The following BTG4 variants were observed in gnomAD, a reference collection of about 807,000 sequenced individuals.
The protein encoded by BTG4 is protein BTG4.
In BTG4, 10 loss-of-function variants were observed where a neutral mutation model predicts 19.3. The ratio of observed to expected loss-of-function variants is 0.52; its 90% confidence interval spans 0.32 to 0.88. The LOEUF (loss-of-function observed/expected upper bound fraction) is 0.88, where lower values mean the gene tolerates loss of function less well. Among genes scored for constraint, BTG4 ranks in the 40% least tolerant of loss-of-function variants. The pLI is 0.04. For synonymous variants in BTG4, 91 were observed against 95.7 expected, an observed-to-expected ratio of 0.95 and a Z score of 0.29; for missense variants, 238 against 281.9, an observed-to-expected ratio of 0.84 and a Z score of 1.11.
the BTG4 span, among the ~76,000 whole-genome samples, chr11:111,388,280 A>AGTTGGTTG: frequency 7.6e-4 from 110 of 145,650 alleles, no homozygotes; most frequent in South Asian, 2.7e-3. Context: ...GCCATGACTC[A>AGTTGGTTG]GTTGGTTGGT....
At chr11:111,449,860 C>A in the BTG4 span, 1 of 152,298 alleles carries the variant, frequency 6.6e-6, no homozygotes, top group Non-Finnish European at 1.5e-5. Context: ...CTGATGGCAT[C>A]CCACAGATTT....
upstream of BTG4, chr11:111,514,059 T>C (rs1867126826): frequency 6.5e-6 from 1 of 153,022 alleles, no homozygotes; most frequent in African/African-American, 2.4e-5. Flanking sequence ...GACTTGTTAA[T>C]ACTTTTATAA....
At chr11:111,500,139 C>T (rs1180682648) in intron 1 of BTG4, among the ~76,000 whole-genome samples, 1 of 149,304 alleles carries the variant, frequency 6.7e-6, no homozygotes, top group African/African-American at 2.5e-5. Flanking sequence ...AAGACTCCGT[C>T]TCAAAAAATA....
the BTG4 span, among the ~76,000 whole-genome samples, chr11:111,419,180 G>T: frequency 1.8e-4 from 28 of 152,340 alleles, no homozygotes; most frequent in Admixed American, 1.3e-3. Flanking sequence ...GGATTAGGAA[G>T]TCAACCTATA....
chr11:111,420,749 G>T, the BTG4 span, among the ~76,000 whole-genome samples: 1 of 152,316 alleles, frequency 6.6e-6, no homozygotes, highest in East Asian at 1.9e-4. Flanking sequence ...TTTTTATTGA[G>T]CACCTAATTT....
At chr11:111,452,310 C>G in the BTG4 span, 1 of 152,300 alleles carries the variant, frequency 6.6e-6, no homozygotes, top group Non-Finnish European at 1.5e-5. Context: ...AGTCATCCAA[C>G]TATTTGGTCG....
the BTG4 span, among the ~76,000 whole-genome samples, chr11:111,415,191 G>T: frequency 5.3e-5 from 8 of 152,206 alleles, no homozygotes; most frequent in East Asian, 1.5e-3. Context: ...GTCCTGCTCT[G>T]CAAAGCCCTG....
At chr11:111,469,810 A>G (rs1003687559) in intron 5 of BTG4, 5 of 152,682 alleles carry the variant, frequency 3.3e-5, no homozygotes, top group Admixed American at 6.5e-5. Flanking sequence ...ATTTCAGGGA[A>G]GCATTCCCTA....
rs556428058 is a variant in BTG4, at chr11:111,474,307, CACCAGTTCTTTAGAAG to C, written c.663-6642_663-6627del. Among the ~76,000 whole-genome samples the C allele has an allele frequency of 7.7e-4, 118 of 152,260 alleles. 1 individual carries two copies. Among genetic ancestry groups the C allele is most frequent in the Middle Eastern group, 3.4e-3 (1 of 294 alleles). ...AGCCCCAGATCAAGAAATAGAACAT[CACCAGTTCTTTAGAAG>C]CAGCTTATGCCTCCTTCTAGTCACA... is the stretch of plus-strand genomic sequence containing the variant. On this transcript the variant is annotated intron_variant, in intron 5 of 5. Coordinates refer to the BTG4 transcript ENST00000356018.
At chr11:111,501,519 AATAG>A (rs200725972) in intron 1 of BTG4, among the ~76,000 whole-genome samples, 3,049 of 152,324 alleles carry the variant, frequency 0.02, 96 homozygotes, top group African/African-American at 0.068. Context: ...AGGATACAAA[AATAG>A]ATAGAAGAAA....
rs150341497 is a variant in BTG4, at chr11:111,474,265, A to G, written c.663-6584T>C. 2.5e-3 allele frequency among the ~76,000 whole-genome samples: 377 copies of G among 152,288 alleles called. 1 individual carries two copies. The highest frequency in any genetic ancestry group is 8.4e-3 in the African/African-American group (350 of 41,578). On this transcript the variant is annotated intron_variant, in intron 5 of 5. Coordinates refer to the BTG4 transcript ENST00000356018. Reference sequence around the variant, plus strand: ...ATACCTCAACGAGTTGTCCAATGTGAATACTCCCATATAACCAGCCCCAGA... The same window carrying G: ...ATACCTCAACGAGTTGTCCAATGTGGATACTCCCATATAACCAGCCCCAGA...
chr11:111,441,544 G>A, the BTG4 span, among the ~76,000 whole-genome samples: 2 of 152,138 alleles, frequency 1.3e-5, no homozygotes, highest in African/African-American at 4.8e-5. Context: ...GATGCCTTAC[G>A]GATTGACTTC....
chr11:111,392,575 C>T, the BTG4 span, among the ~76,000 whole-genome samples: 1 of 152,148 alleles, frequency 6.6e-6, no homozygotes, highest in Non-Finnish European at 1.5e-5. Context: ...GCATTTCTAA[C>T]AAATTCCGAG....
the BTG4 span, among the ~76,000 whole-genome samples, chr11:111,388,335 GTTTT>G: frequency 7.1e-6 from 1 of 141,392 alleles, no homozygotes. Context: ...GGAGGTGTGT[GTTTT>G]TTTTTTTTTA....
the BTG4 span, chr11:111,460,079 A>T: frequency 6.6e-6 from 1 of 152,332 alleles, no homozygotes; most frequent in Non-Finnish European, 1.5e-5. Flanking sequence ...GAGCCCTATA[A>T]TCCAGCTTAG....
chr11:111,415,188 T>G, the BTG4 span, among the ~76,000 whole-genome samples: 38 of 152,228 alleles, frequency 2.5e-4, no homozygotes, highest in African/African-American at 8.9e-4. Flanking sequence ...TTAGTCCTGC[T>G]CTGCAAAGCC....
chr11:111,511,739 T>A (rs1450185431), intron 1 of BTG4, among the ~76,000 whole-genome samples: 1 of 152,112 alleles, frequency 6.6e-6, no homozygotes, highest in Non-Finnish European at 1.5e-5. Context: ...CAAGATACTG[T>A]TTTTCTGGCA....
intron 1 of BTG4, among the ~76,000 whole-genome samples, chr11:111,504,008 T>C (rs190911895): frequency 4.8e-4 from 73 of 152,238 alleles, no homozygotes; most frequent in African/African-American, 1.7e-3. Flanking sequence ...AATGTTAAAT[T>C]TGCTGGACTT....
chr11:111,408,257 C>T, the BTG4 span, among the ~76,000 whole-genome samples: 20 of 152,338 alleles, frequency 1.3e-4, no homozygotes, highest in Admixed American at 1.1e-3. Flanking sequence ...ATTTCCCTTA[C>T]GTCCTCCCAC....
Sources: allele counts gnomAD v4.1 joint callset (sites outside exome capture counted in the v4.1 genomes callset), GRCh38; gene constraint gnomAD v4.1.1; transcripts MANE v1.5; gene names NCBI Gene and HGNC (gene_info 2026-07-23, HGNC 2026-07-21).